The following LRCH1 variants were observed in gnomAD, a reference collection of about 807,000 sequenced individuals.
LRCH1 encodes leucine rich repeats and calponin homology domain containing 1, also known as leucine-rich repeat and calponin homology domain-containing protein 1.
In LRCH1, 23 loss-of-function variants were observed where a neutral mutation model predicts 94.9. The ratio of observed to expected loss-of-function variants is 0.24; its 90% confidence interval spans 0.17 to 0.34. LRCH1 has a LOEUF of 0.34. Among genes scored for constraint, LRCH1 ranks in the 10% least tolerant of loss-of-function variants. The pLI, the probability that LRCH1 is intolerant of heterozygous loss-of-function variation, is 1.00. For synonymous variants in LRCH1, 364 were observed against 354.9 expected (o/e 1.03, Z -0.29); for missense variants, 790 against 945.9 (o/e 0.84, Z 2.16).
intron 1 of LRCH1, among the ~76,000 whole-genome samples, chr13:46,567,155 G>T (rs939499909): frequency 2.0e-5 from 3 of 152,094 alleles, no homozygotes; most frequent in African/African-American, 7.2e-5. Flanking sequence ...GAATTTCATC[G>T]AGTGCAAGAC....
chr13:46,616,550 A>G (rs111734957), intron 1 of LRCH1, among the ~76,000 whole-genome samples: 60 of 152,334 alleles, frequency 3.9e-4, no homozygotes, highest in African/African-American at 1.4e-3. Flanking sequence ...CTTACTTCCA[A>G]ATTCTTCCCA....
At chr13:46,634,829 C>T (rs1032857197) in intron 1 of LRCH1, among the ~76,000 whole-genome samples, 12 of 145,336 alleles carry the variant, frequency 8.3e-5, no homozygotes, top group Non-Finnish European at 1.8e-4. Flanking sequence ...AGTGAGCCAA[C>T]GTGTGGGTGG....
chr13:46,615,832 ATAGTT>A (rs2050801625), intron 1 of LRCH1, among the ~76,000 whole-genome samples: 1 of 152,196 alleles, frequency 6.6e-6, no homozygotes, highest in Non-Finnish European at 1.5e-5. Flanking sequence ...ATCATTATGA[ATAGTT>A]TGATGGAAAG....
chr13:46,554,006 C>T (rs1269485304), intron 1 of LRCH1, among the ~76,000 whole-genome samples: 2 of 152,198 alleles, frequency 1.3e-5, no homozygotes, highest in East Asian at 1.9e-4. Flanking sequence ...GGGAAGTAAC[C>T]GCGGGGCTGG....
rs1346011620 is a variant in LRCH1 at position 46,712,568 on chromosome 13, C to T, written c.1625C>T (p.Thr542Ile). The T allele has an allele frequency of 1.9e-5, 31 of 1,613,880 alleles. No homozygotes were observed. Among genetic ancestry groups the T allele is most frequent in the Non-Finnish European group, 2.5e-5 (30 of 1,179,882 alleles). ...GCAGTCTCTCCTACCACAAACAGCA[C>T]AGCTCCATTTGGCCTGAAGCCTCGA... is the stretch of plus-strand genomic sequence containing the variant. Reference protein sequence around the residue: ...SPAVSPTTNSTAPFGLKPRSD... With the variant: ...SPAVSPTTNSIAPFGLKPRSD... The change falls in exon 15 of 20, where the codon ACA becomes ATA. Residue 542 changes from threonine (T) to isoleucine (I), a missense_variant. Thr to Ile is a moderately conservative substitution (Grantham distance 89). This residue lies in a region of LRCH1 where 460 missense variants were observed against 508.9 expected (regional missense o/e 0.90). Transcript: ENST00000389797.
intron 1 of LRCH1, among the ~76,000 whole-genome samples, chr13:46,570,145 C>T (rs992478232): frequency 1.3e-5 from 2 of 152,164 alleles, no homozygotes; most frequent in African/African-American, 4.8e-5. Context: ...GAGGTAAGTA[C>T]ACATTTTCTT....
intron 9 of LRCH1, among the ~76,000 whole-genome samples, chr13:46,697,362 A>G (rs1249072002): frequency 6.6e-6 from 1 of 152,168 alleles, no homozygotes; most frequent in East Asian, 1.9e-4. Flanking sequence ...GAACATTACA[A>G]CCATACCTTA....
chr13:46,633,567 G>A (rs1452318066), intron 1 of LRCH1, among the ~76,000 whole-genome samples: 1 of 152,242 alleles, frequency 6.6e-6, no homozygotes, highest in Non-Finnish European at 1.5e-5. Flanking sequence ...GTTTCAAGAA[G>A]TTGTGAGGGG....
chr13:46,738,791 T>C (rs975453641), intron 19 of LRCH1, among the ~76,000 whole-genome samples: 16 of 152,234 alleles, frequency 1.1e-4, no homozygotes, highest in African/African-American at 3.6e-4. Flanking sequence ...ATTCATAATT[T>C]ATTGAAAACA....
intron 3 of LRCH1, among the ~76,000 whole-genome samples, chr13:46,677,618 A>C (rs1287463406): frequency 1.3e-5 from 2 of 152,208 alleles, no homozygotes; most frequent in African/African-American, 4.8e-5. Context: ...ACATGGTTTT[A>C]ATACTTCTAG....
At chr13:46,619,428 A>T (rs186921538) in intron 1 of LRCH1, among the ~76,000 whole-genome samples, 360 of 152,092 alleles carry the variant, frequency 2.4e-3, no homozygotes, top group Non-Finnish European at 2.8e-3. Context: ...TTATTTAAAA[A>T]TTTTTCTTCT....
At chr13:46,571,287 A>G (rs915956107) in intron 1 of LRCH1, among the ~76,000 whole-genome samples, 1 of 152,194 alleles carries the variant, frequency 6.6e-6, no homozygotes, top group South Asian at 2.1e-4. Flanking sequence ...GGGCCTTGGA[A>G]TATGTCCTCC....
chr13:46,610,409 A>AT (rs1231327737), intron 1 of LRCH1, among the ~76,000 whole-genome samples: 1 of 150,926 alleles, frequency 6.6e-6, no homozygotes, highest in African/African-American at 2.4e-5. Context: ...ATAGTTATAT[A>AT]TTTTTTATTT....
At chr13:46,580,410 A>T (rs762092949) in intron 1 of LRCH1, among the ~76,000 whole-genome samples, 1 of 152,226 alleles carries the variant, frequency 6.6e-6, no homozygotes, top group Non-Finnish European at 1.5e-5. Context: ...TGCAGTATGC[A>T]TCCTACCCAG....
chr13:46,671,845 T>G lies in LRCH1; in HGVS notation c.579+2689T>G, dbSNP rs79151471. 8.4e-3 allele frequency among the ~76,000 whole-genome samples: 1,284 copies of G among 152,310 alleles called. 51 individuals are homozygous for G. Among genetic ancestry groups the G allele is most frequent in the Admixed American group, 0.069 (1,056 of 15,298 alleles). Reference sequence around the variant, plus strand: ...CCCACATACCCTCTACTCCCACACATGCACAATCTCTCTGTCATCAACGTT... The same window carrying G: ...CCCACATACCCTCTACTCCCACACAGGCACAATCTCTCTGTCATCAACGTT... On this transcript the variant is annotated intron_variant, in intron 3 of 19. Transcript: ENST00000389797.
chr13:46,678,251 A>G (rs2051703495), intron 3 of LRCH1, among the ~76,000 whole-genome samples: 1 of 152,198 alleles, frequency 6.6e-6, no homozygotes, highest in Non-Finnish European at 1.5e-5. Context: ...GGAGTATTTT[A>G]TCCCCAAACA....
chr13:46,659,838 T>C (rs1321428133), intron 2 of LRCH1, among the ~76,000 whole-genome samples: 1 of 152,124 alleles, frequency 6.6e-6, no homozygotes, highest in African/African-American at 2.4e-5. Context: ...AACCAGACCC[T>C]TGTGACCTCA....
intron 1 of LRCH1, among the ~76,000 whole-genome samples, chr13:46,558,853 G>A (rs918590547): frequency 1.3e-5 from 2 of 152,182 alleles, no homozygotes; most frequent in Admixed American, 6.5e-5. Context: ...CCTTATAATG[G>A]AGTAAAGGCT....
Position 46,699,374 on chromosome 13 carries a change from A to G in LRCH1, c.1284A>G (p.Glu428=). Residue 428 remains glutamate, a synonymous_variant, in exon 10 of 20, where the codon GAA becomes GAG. Coordinates refer to ENST00000389797, the MANE Select transcript of LRCH1 (RefSeq NM_001164211.2). ...AEDCEELLRI[E]EDVHWQTEGI... ...ACTGTGAAGAGCTGTTACGGATAGA[A>G]GAGGATGTGCACTGGCAAACTGAGG... 6.2e-7 allele frequency: 1 copy of G among 1,614,156 alleles called. No individual in the cohort carries two copies. The highest frequency in any genetic ancestry group is 8.5e-7 in the Non-Finnish European group (1 of 1,179,982).
Sources: gnomAD v4.1 joint callset for allele counts (sites outside exome capture counted in the v4.1 genomes callset) on GRCh38, gnomAD v4.1.1 for gene constraint, gnomAD v4.1.1 regional missense constraint, MANE v1.5 for transcripts, NCBI Gene and HGNC (gene_info 2026-07-23, HGNC 2026-07-21) for gene names.